Variants in DMWD observed in about 807,000 individuals in gnomAD.
DMWD encodes DM1 locus, WD repeat containing.
DMWD carries 19 observed loss-of-function variants against 45.8 expected under a neutral mutation model. The ratio of observed to expected loss-of-function variants is 0.41; its 90% CI spans 0.29 to 0.61. The LOEUF (loss-of-function observed/expected upper bound fraction) is 0.61. Among genes scored for constraint, DMWD ranks in the 20% least tolerant of loss-of-function variants. The probability of loss-of-function intolerance (pLI) is 0.25; values close to 1 mark genes in which losing one functional copy is unlikely to be tolerated. For missense variants in DMWD, 802 were observed against 965.2 expected, an observed-to-expected ratio of 0.83 and a Z score of 2.24; for synonymous variants, 515 against 440.5, an observed-to-expected ratio of 1.17 and a Z score of -2.12.
Position 45,786,062 on chromosome 19 carries a change from A to G in DMWD, c.1434T>C (p.Gly478=). The G allele has an allele frequency of 6.6e-7, 1 of 1,523,428 alleles. No homozygotes were observed. Among genetic ancestry groups the G allele is most frequent in the South Asian group, 1.3e-5 (1 of 78,778 alleles). 94.4% of individuals were successfully genotyped at this position (1,523,428 alleles called of 1,614,324 possible). The change falls in exon 3 of 5, where the codon GGT becomes GGC. Residue 478 remains glycine (G), a synonymous_variant. Coordinates refer to ENST00000270223, the MANE Select transcript of DMWD (RefSeq NM_004943.2). ...TTPPAASSSR[G]GEPGPGPLPR... ...GCAGGGGGCCTGGGCCAGGCTCGCC[A>G]CCCCTCGAGCTGCTGGCGGCCGGTG...
At chr19:45,789,361 C>CAG (rs1410500640) in intron 2 of DMWD, 1 of 152,204 alleles carries the variant, frequency 6.6e-6, no homozygotes, top group Non-Finnish European at 1.5e-5. Context: ...TCCTCTGGAC[C>CAG]AGAGAGAATG....
chr19:45,786,846 G>A lies in DMWD; in HGVS notation c.650C>T (p.Thr217Ile). The A allele has an allele frequency of 6.2e-7, 1 of 1,614,038 alleles. No homozygotes were observed. Among genetic ancestry groups the A allele is most frequent in the Non-Finnish European group, 8.5e-7 (1 of 1,180,006 alleles). ...EERLIDKTKVTYLKWLPESES... is the reference protein window; with the variant it reads ...EERLIDKTKVIYLKWLPESES... ...CGACTCAGGCAGCCACTTCAGATAT[G>A]TCACCTTGGTCTTGTCGATCAACCG... The change falls in exon 3 of 5, where the codon ACA (threonine) becomes ATA (isoleucine). Residue 217 changes from threonine to isoleucine, a missense_variant. Around this residue, in one of 9 missense-constraint regions of DMWD, gnomAD observed 38 missense variants for 76.1 expected, o/e 0.50. Transcript: ENST00000270223.
chr19:45,792,688 C>T lies in DMWD; in HGVS notation c.69G>A (p.Lys23=). 2 of 1,289,014 alleles carry T rather than the reference C, an allele frequency of 1.6e-6. No homozygotes were observed. The highest frequency in any genetic ancestry group is 2.0e-6 in the Non-Finnish European group (2 of 1,002,068). The allele number at this position is 1,289,014 out of a possible 1,614,324, so 79.8% of individuals were successfully genotyped here. A position where few individuals can be genotyped will look rare whatever the true frequency, so the allele number is the denominator to read the frequency against. ...GAAMGDCAEI[K]SQFRTREGFY... is the part of the protein sequence containing the mutation. ...AACCCTCGCGCGTGCGGAATTGCGA[C>T]TTAATCTCCGCGCAGTCCCCCATGG... The change falls in exon 1 of 5, where the codon AAG becomes AAA. Residue 23 remains lysine, a synonymous_variant. Coordinates refer to ENST00000270223, the MANE Select transcript of DMWD (RefSeq NM_004943.2).
chr19:45,786,556 C>T lies in DMWD; in HGVS notation c.940G>A (p.Asp314Asn). Residue 314 changes from aspartate to asparagine, a missense_variant, in exon 3 of 5, where the codon GAC (aspartate) becomes AAC (asparagine). Asp to Asn is a conservative substitution (Grantham distance 23). Coordinates refer to ENST00000270223, the MANE Select transcript of DMWD (RefSeq NM_004943.2). The part of the protein sequence containing the change: ...QDGCLRVFHF[D>N]SMLLRGLMKS... ...ATGAGCCCACGCAGGAGCATGGAGT[C>T]GAAGTGGAAGACGCGCAGGCAGCCA... 5.0e-6 allele frequency: 8 copies of T among 1,614,054 alleles called. No individual in the cohort carries two copies. Among genetic ancestry groups the T allele is most frequent in the Non-Finnish European group, 6.8e-6 (8 of 1,179,970 alleles).
In DMWD at chr19:45,783,493, C is replaced by A. The variant is rs1319438802; in HGVS notation, c.*750G>T. 2.5e-6 allele frequency: 1 copy of A among 398,528 alleles called. No homozygotes were observed. Among genetic ancestry groups the A allele is most frequent in the Admixed American group, 4.4e-5 (1 of 22,732 alleles). The allele number at this position is 398,528 out of a possible 1,614,324, so 24.7% of individuals were successfully genotyped here. A position where few individuals can be genotyped will look rare whatever the true frequency, so the allele number is the denominator to read the frequency against. On this transcript the variant is annotated 3_prime_UTR_variant, in exon 5 of 5. Coordinates refer to ENST00000270223, the MANE Select transcript of DMWD (RefSeq NM_004943.2). ...TTTGATGAGGGGCCCTGGCTGCGGG[C>A]AGGATGCTCTTCTCCCCAAGAGGGT...
intron 2 of DMWD, chr19:45,790,666 AAAAGAAAG>A (rs530847038): frequency 1.3e-5 from 5 of 375,868 alleles, no homozygotes; most frequent in South Asian, 6.8e-5. Flanking sequence ...ATAAATAAAT[AAAAGAAAG>A]AAAGAAAGAA....
At chr19:45,791,138 G>C in intron 1 of DMWD, 51 bp from the exon 2 acceptor site, 1 of 1,538,594 alleles carries the variant, frequency 6.5e-7, no homozygotes, top group Non-Finnish European at 8.8e-7. Context: ...TGAGGAGAAG[G>C]AAGAGGATGT....
chr19:45,786,958 T>C (rs965244071), intron 2 of DMWD, 87 bp from the exon 3 acceptor site: 33 of 1,524,280 alleles, frequency 2.2e-5, no homozygotes, highest in Middle Eastern at 2.3e-4. Context: ...AAGAAGGCCG[T>C]TGGACATGGC....
At position 45,783,076 on chromosome 19, in the gene DMWD, G is replaced by C. The variant is rs543098545; in HGVS notation, c.*1167C>G. 2 of 151,890 alleles carry C rather than the reference G, an allele frequency of 1.3e-5. No homozygotes were observed. Among genetic ancestry groups the C allele is most frequent in the Admixed American group, 1.3e-4 (2 of 15,118 alleles). 9.4% of individuals were successfully genotyped at this position (151,890 alleles called of 1,614,324 possible). Reference sequence around the variant, plus strand: ...GGGCACCCTCAGAGCCTGAACAGGGGTGACCTGCTGCCCAAAGGCTGGGGG... The same window carrying C: ...GGGCACCCTCAGAGCCTGAACAGGGCTGACCTGCTGCCCAAAGGCTGGGGG... On this transcript the variant is annotated 3_prime_UTR_variant, in exon 5 of 5. Coordinates refer to ENST00000270223, the MANE Select transcript of DMWD (RefSeq NM_004943.2).
intron 2 of DMWD, chr19:45,787,212 C>G (rs947750257): frequency 2.7e-6 from 1 of 365,230 alleles, no homozygotes; most frequent in African/African-American, 2.1e-5. Flanking sequence ...CAGTAGTGGT[C>G]CGTGGCCTGT....
rs147468425 is a variant in DMWD at position 45,786,541 on chromosome 19, G to A, written c.955C>T (p.Arg319Cys). ...RVFHFDSMLL[R>C]GLMKSYFGGL... ...CCAAAGTAGCTCTTCATGAGCCCAC[G>A]CAGGAGCATGGAGTCGAAGTGGAAG... The change falls in exon 3 of 5, where the codon CGT (arginine) becomes TGT (cysteine). Residue 319 changes from arginine (R) to cysteine (C), a missense_variant. Coordinates refer to ENST00000270223, the MANE Select transcript of DMWD (RefSeq NM_004943.2). The A allele has an allele frequency of 1.9e-5, 31 of 1,613,938 alleles. No individual in the cohort carries two copies. The African/African-American group carries it at 3.5e-4, about 18-fold the overall frequency.
At chr19:45,786,899 G>A (rs778236970) in intron 2 of DMWD, 28 bp from the exon 3 acceptor site, 3 of 1,602,178 alleles carry the variant, frequency 1.9e-6, no homozygotes, top group Non-Finnish European at 1.7e-6. Flanking sequence ...GTGGGGTTGG[G>A]AGAAGGCAGT....
intron 2 of DMWD, among the ~76,000 whole-genome samples, chr19:45,788,210 G>A (rs1009223223): frequency 1.3e-5 from 2 of 152,208 alleles, no homozygotes; most frequent in Non-Finnish European, 2.9e-5. Flanking sequence ...CTCTGCAGCC[G>A]CCACAGCGAT....
At chr19:45,787,336 C>T (rs1970294487) in intron 2 of DMWD, 1 of 196,652 alleles carries the variant, frequency 5.1e-6, no homozygotes, top group Non-Finnish European at 1.1e-5. Flanking sequence ...GTGCGAACCC[C>T]ACCATGAACT....
In DMWD at chr19:45,786,030, G is replaced by A. The variant is rs774762927; in HGVS notation, c.1466C>T (p.Ser489Leu). 8 of 1,542,774 alleles carry A rather than the reference G, an allele frequency of 5.2e-6. No homozygotes were observed. The highest frequency in any genetic ancestry group is 2.5e-5 in the South Asian group (2 of 80,974). ...GEPGPGPLPR[S>L]LSRSNSLPHP... ...CGGGAGACTGTTGGAGCGGGACAGC[G>A]AGCGAGGCAGGGGGCCTGGGCCAGG... Residue 489 changes from serine (S) to leucine (L), a missense_variant, in exon 3 of 5, where the codon TCG becomes TTG. Physicochemically the swap from Ser to Leu is moderately radical, Grantham distance 145 (BLOSUM62 -2). Transcript: ENST00000270223.
At chr19:45,790,878 G>T in intron 2 of DMWD, 27 bp downstream of exon 2, 1 of 1,582,710 alleles carries the variant, frequency 6.3e-7, no homozygotes, top group Non-Finnish European at 8.6e-7. Context: ...AGGCAGAGAA[G>T]TTGGGGGCTC....
chr19:45,789,182 G>C (rs1294479412), intron 2 of DMWD: 1 of 152,226 alleles, frequency 6.6e-6, no homozygotes, highest in African/African-American at 2.4e-5. Flanking sequence ...AGGGCCTCCT[G>C]TCCAGGGCCC....
In DMWD at chr19:45,785,868, T is replaced by C; in HGVS notation, c.1628A>G (p.Tyr543Cys). 1 of 1,607,330 alleles carries C rather than the reference T, an allele frequency of 6.2e-7. No individual in the cohort carries two copies. Among genetic ancestry groups the C allele is most frequent in the Non-Finnish European group, 8.5e-7 (1 of 1,179,710 alleles). The change falls in exon 3 of 5, where the codon TAC (tyrosine) becomes TGC (cysteine). Residue 543 changes from tyrosine (Y) to cysteine (C), a missense_variant. Tyr to Cys is a radical substitution (Grantham distance 194). Around this residue, in one of 9 missense-constraint regions of DMWD, gnomAD observed 303 missense variants for 332.9 expected, o/e 0.91. Transcript: ENST00000270223. ...DRGAEKEHKR[Y>C]HSLGNISRGG... Reference sequence around the variant, plus strand: ...CCGGCTGATGTTGCCCAGGCTGTGGTAGCGCTTGTGCTCCTTCTCTGCCCC... The same window carrying C: ...CCGGCTGATGTTGCCCAGGCTGTGGCAGCGCTTGTGCTCCTTCTCTGCCCC...
intron 3 of DMWD, 74 bp downstream of exon 3, chr19:45,785,520 C>A: frequency 1.4e-6 from 2 of 1,425,722 alleles, no homozygotes; most frequent in Non-Finnish European, 1.8e-6. Flanking sequence ...ACAAAGCCCT[C>A]TCTCTGCCAA....
Sources: gnomAD v4.1 joint callset for allele counts (sites outside exome capture counted in the v4.1 genomes callset) on GRCh38, gnomAD v4.1.1 for gene constraint, gnomAD v4.1.1 regional missense constraint, MANE v1.5 for transcripts, NCBI Gene and HGNC (gene_info 2026-07-23, HGNC 2026-07-21) for gene names.